The following DOP1B variants were observed in gnomAD, a reference collection of about 807,000 sequenced individuals.
The protein encoded by DOP1B is protein DOP1B.
DOP1B carries 174 observed loss-of-function variants against 233.5 expected under a neutral mutation model. The observed-to-expected ratio is 0.75, with a 90% CI of 0.66 to 0.85. The LOEUF is 0.85. DOP1B is among the 40% of genes least tolerant of loss of function. DOP1B has a pLI of 0.00. For missense variants in DOP1B, 2,652 were observed against 2,846.6 expected (o/e 0.93, Z 1.56); for synonymous variants, 1,190 against 1,185.6 (o/e 1.00, Z -0.08).
At position 36,251,268 on chromosome 21, in the gene DOP1B, G is replaced by A. The variant is rs779189283; in HGVS notation, c.5105G>A (p.Arg1702His). The change falls in exon 22 of 37, where the codon CGT becomes CAT. Residue 1702 changes from arginine to histidine, a missense_variant. Arg to His is a conservative substitution (Grantham distance 29). Around this residue, in one of 3 missense-constraint regions of DOP1B, gnomAD observed 2,617 missense variants for 2,794.3 expected, o/e 0.94. Coordinates refer to ENST00000691173, the MANE Select transcript of DOP1B (RefSeq NM_001320714.2). ...GTGTGGAGCAGAAAGAAAGCCCAGC[G>A]TCACAGTAAGATGAAGGTAAAGTTT... ...AAVWSRKKAQ[R>H]HSKMKIIPTA... 50 of 1,612,800 alleles carry A rather than the reference G, an allele frequency of 3.1e-5. No homozygotes were observed. Among genetic ancestry groups the A allele is most frequent in the Admixed American group, 2.5e-4 (15 of 59,702 alleles).
At chr21:36,271,311 T>TTGGAGTGCACCCAGGTTGGAGTG (rs2067286473) in intron 27 of DOP1B, among the ~76,000 whole-genome samples, 1 of 126,680 alleles carries the variant, frequency 7.9e-6, no homozygotes, top group Admixed American at 7.5e-5. Context: ...AGGTTGGAGT[T>TTGGAGTGCACCCAGGTTGGAGTG]CACCCAGGTT....
intron 9 of DOP1B, 88 bp downstream of exon 9, chr21:36,214,644 C>T: frequency 4.5e-6 from 5 of 1,113,636 alleles, no homozygotes; most frequent in African/African-American, 1.6e-5. Flanking sequence ...ACAACCAAAG[C>T]GTTATTTTGA....
At chr21:36,180,187 C>T (rs915928454) in intron 2 of DOP1B, among the ~76,000 whole-genome samples, 6 of 151,954 alleles carry the variant, frequency 3.9e-5, no homozygotes, top group Non-Finnish European at 8.8e-5. Context: ...TAGGTAATAA[C>T]AATTTAGATT....
chr21:36,169,722 T>A lies in DOP1B; in HGVS notation c.138+4851T>A, dbSNP rs1042122299. 3 of 995,010 alleles carry A rather than the reference T, an allele frequency of 3.0e-6. No homozygotes were observed. The African/African-American group carries it at 4.7e-5, about 16-fold the overall frequency. The allele number at this position is 995,010 out of a possible 1,614,324, so 61.6% of individuals were successfully genotyped here. On this transcript the variant is annotated intron_variant, in intron 2 of 36. Transcript: ENST00000691173. Reference sequence around the variant, plus strand: ...AGGCGGGTGACTTGGCAGTGCTTCCTCATGCTGCTGAAGTCTTCTCCAGCT... The same window carrying A: ...AGGCGGGTGACTTGGCAGTGCTTCCACATGCTGCTGAAGTCTTCTCCAGCT...
At chr21:36,274,929 C>T (rs13046261) in intron 27 of DOP1B, among the ~76,000 whole-genome samples, 1 of 150,680 alleles carries the variant, frequency 6.6e-6, no homozygotes, top group African/African-American at 2.4e-5. Flanking sequence ...ACTGCAACCT[C>T]TGCCTCCTGG....
chr21:36,238,034 G>A (rs915879460), intron 16 of DOP1B, among the ~76,000 whole-genome samples: 2 of 152,178 alleles, frequency 1.3e-5, no homozygotes, highest in Non-Finnish European at 2.9e-5. Context: ...GGGCATGGTG[G>A]CACATGCCTG....
chr21:36,171,467 C>T (rs2242810), intron 2 of DOP1B, among the ~76,000 whole-genome samples: 56,434 of 151,936 alleles, frequency 0.37, 10,634 homozygotes, highest in South Asian at 0.5. Flanking sequence ...CAGAGCTAAT[C>T]GAGCTAGAGG....
chr21:36,182,755 C>T (rs1166385257), intron 2 of DOP1B, among the ~76,000 whole-genome samples: 4 of 152,132 alleles, frequency 2.6e-5, no homozygotes, highest in Admixed American at 6.6e-5. Flanking sequence ...CTTGAGCCCA[C>T]AAGGTTGAGG....
chr21:36,212,032 C>T lies in DOP1B; in HGVS notation c.839C>T (p.Ala280Val). Residue 280 changes from alanine to valine, a missense_variant, in exon 7 of 37, where the codon GCC becomes GTC. By Grantham distance (64) the Ala-to-Val change is moderately conservative (BLOSUM62 0). Around this residue, in one of 3 missense-constraint regions of DOP1B, gnomAD observed 2,617 missense variants for 2,794.3 expected, o/e 0.94. Transcript: ENST00000691173. The stretch of plus-strand genomic sequence containing the variant: ...TCTGACATCGTGCGCATTCTCTCAG[C>T]CGCCACCCAGACCCTACTGAGAAGG... ...LRSDIVRILS[A>V]ATQTLLRRDM... is the part of the protein sequence containing the mutation. 6.2e-7 allele frequency: 1 copy of T among 1,613,962 alleles called. No homozygotes were observed. The highest frequency in any genetic ancestry group is 2.2e-5 in the East Asian group (1 of 44,874).
At chr21:36,168,996 G>A (rs577913193) in intron 2 of DOP1B, 2 of 752,320 alleles carry the variant, frequency 2.7e-6, no homozygotes, top group African/African-American at 1.7e-5. Flanking sequence ...TTTGCAATTC[G>A]GTCTTTCTCG....
Position 36,285,743 on chromosome 21 carries a change from T to C in DOP1B, c.6161-2271T>C, listed in dbSNP as rs866053269. On this transcript the variant is annotated intron_variant, in intron 32 of 36. Coordinates refer to ENST00000691173, the MANE Select transcript of DOP1B (RefSeq NM_001320714.2). ...AAAAGAGGCAGGAGGCTGGGCACAG[T>C]GGCCTGTAATCCCAGCACCTTGGGA... Among the ~76,000 whole-genome samples the C allele has an allele frequency of 5.8e-4, 88 of 152,088 alleles. No individual in the cohort carries two copies. In the Middle Eastern group the frequency reaches 0.031, roughly 53 times the overall value.
chr21:36,198,281 T>C (rs1216904965), intron 2 of DOP1B, among the ~76,000 whole-genome samples: 3 of 151,636 alleles, frequency 2.0e-5, no homozygotes, highest in Non-Finnish European at 4.4e-5. Context: ...TACAAAAAAT[T>C]AGTCAGGCAT....
At chr21:36,179,501 A>T (rs767433501) in intron 2 of DOP1B, among the ~76,000 whole-genome samples, 1 of 152,230 alleles carries the variant, frequency 6.6e-6, no homozygotes, top group African/African-American at 2.4e-5. Context: ...ATAGACACAT[A>T]ACATAAAGAT....
intron 27 of DOP1B, among the ~76,000 whole-genome samples, chr21:36,272,330 C>G (rs1251360271): frequency 6.6e-6 from 1 of 151,744 alleles, no homozygotes; most frequent in Non-Finnish European, 1.5e-5. Context: ...ACCTGTAATC[C>G]CAACACTTTG....
At chr21:36,276,406 C>T (rs2067349569) in intron 27 of DOP1B, among the ~76,000 whole-genome samples, 1 of 152,050 alleles carries the variant, frequency 6.6e-6, no homozygotes, top group Non-Finnish European at 1.5e-5. Context: ...TGATGTGTGC[C>T]TGTGCCCCCA....
intron 21 of DOP1B, among the ~76,000 whole-genome samples, chr21:36,250,812 C>T (rs1049486664): frequency 2.0e-5 from 3 of 152,178 alleles, no homozygotes; most frequent in African/African-American, 7.2e-5. Flanking sequence ...AAGCCTTGCC[C>T]GGCTTCCTGC....
intron 28 of DOP1B, 147 bp downstream of exon 28, chr21:36,277,247 C>A (rs1012717558): frequency 1.3e-6 from 1 of 743,760 alleles, no homozygotes; most frequent in Middle Eastern, 2.5e-4. Flanking sequence ...TGGCCTCAAG[C>A]TGCACCATGG....
intron 18 of DOP1B, among the ~76,000 whole-genome samples, chr21:36,242,643 A>G (rs928498757): frequency 5.9e-5 from 9 of 152,238 alleles, no homozygotes; most frequent in Non-Finnish European, 1.3e-4. Flanking sequence ...CCCCAGCACT[A>G]CCTTGCTGCT....
intron 23 of DOP1B, among the ~76,000 whole-genome samples, chr21:36,254,559 G>A (rs2067070659): frequency 6.6e-6 from 1 of 152,166 alleles, no homozygotes; most frequent in Admixed American, 6.6e-5. Flanking sequence ...CAGAGGCTGG[G>A]AGATCGAGAC....
Sources: gnomAD v4.1 joint callset for allele counts (sites outside exome capture counted in the v4.1 genomes callset) on GRCh38, gnomAD v4.1.1 for gene constraint, gnomAD v4.1.1 regional missense constraint, MANE v1.5 for transcripts, NCBI Gene and HGNC (gene_info 2026-07-23, HGNC 2026-07-21) for gene names.